Variants in PCTP observed in about 807,000 individuals in gnomAD.
PCTP encodes START domain-containing protein 2.
Under a neutral mutation model 31.0 loss-of-function variants are expected in PCTP, and 27 were observed. The ratio of observed to expected loss-of-function variants is 0.87; its 90% confidence interval spans 0.64 to 1.20. The LOEUF (loss-of-function observed/expected upper bound fraction) is 1.20. Ranked by LOEUF, PCTP falls within the 50% of genes most tolerant of loss-of-function variation. PCTP has a pLI of 0.00. For missense variants in PCTP, 287 were observed against 268.2 expected (o/e 1.07, Z -0.49); for synonymous variants, 108 against 101.2 (o/e 1.07, Z -0.40).
chr17:55,777,628 A>G (rs1055203708), downstream of PCTP, among the ~76,000 whole-genome samples: 1 of 152,222 alleles, frequency 6.6e-6, no homozygotes, highest in African/African-American at 2.4e-5. Context: ...GCTAACAGCA[A>G]TAGGTAGGTT....
intron 3 of PCTP, among the ~76,000 whole-genome samples, chr17:55,790,409 T>C (rs147652239): frequency 0.042 from 6,312 of 151,688 alleles, 421 homozygotes; most frequent in African/African-American, 0.14. Flanking sequence ...AAAACCCCAT[T>C]GTCTCAGCCC....
intron 5 of PCTP, among the ~76,000 whole-genome samples, chr17:55,836,003 A>G (rs1304876611): frequency 1.3e-5 from 2 of 152,220 alleles, no homozygotes; most frequent in East Asian, 3.8e-4. Context: ...TTGGGAAGGC[A>G]AAAATAAAAA....
chr17:55,816,270 C>A (rs774836428), intron 3 of PCTP, among the ~76,000 whole-genome samples: 1 of 152,180 alleles, frequency 6.6e-6, no homozygotes, highest in Non-Finnish European at 1.5e-5. Flanking sequence ...ATCCTCCTGT[C>A]TTCCCAGGTC....
chr17:55,802,042 T>G (rs1037422450), intron 3 of PCTP, among the ~76,000 whole-genome samples: 4 of 152,098 alleles, frequency 2.6e-5, no homozygotes, highest in African/African-American at 9.7e-5. Flanking sequence ...ATATCACCAC[T>G]GATCCCACAG....
At chr17:55,816,409 C>T (rs942766912) in intron 3 of PCTP, among the ~76,000 whole-genome samples, 1 of 152,186 alleles carries the variant, frequency 6.6e-6, no homozygotes, top group African/African-American at 2.4e-5. Context: ...TCTACAGAGC[C>T]TGGCCAAAAA....
chr17:55,774,042 T>C, intron 4 of PCTP, 147 bp downstream of exon 4: 1 of 925,656 alleles, frequency 1.1e-6, no homozygotes, highest in Non-Finnish European at 1.6e-6. Context: ...GATCAGCACC[T>C]AGAGAGAGCC....
chr17:55,795,484 A>G (rs978252649), intron 3 of PCTP, among the ~76,000 whole-genome samples: 1 of 152,004 alleles, frequency 6.6e-6, no homozygotes, highest in Non-Finnish European at 1.5e-5. Context: ...TTTATACAAG[A>G]TCAATATTTA....
chr17:55,806,694 G>C (rs1374381066), intron 3 of PCTP, among the ~76,000 whole-genome samples: 1 of 152,230 alleles, frequency 6.6e-6, no homozygotes, highest in Non-Finnish European at 1.5e-5. Context: ...GTTAAACCTC[G>C]GTACTGGACA....
intron 5 of PCTP, chr17:55,775,717 G>T: frequency 8.2e-7 from 1 of 1,223,872 alleles, no homozygotes; most frequent in Non-Finnish European, 1.0e-6. Flanking sequence ...TTGGAAGAAT[G>T]TAACAATCCA....
intron 5 of PCTP, among the ~76,000 whole-genome samples, chr17:55,831,742 G>A (rs1345708970): frequency 6.6e-6 from 1 of 152,114 alleles, no homozygotes; most frequent in Non-Finnish European, 1.5e-5. Context: ...GATACGATTA[G>A]GCTACCAGTC....
chr17:55,766,064 C>A (rs916296419), intron 1 of PCTP, among the ~76,000 whole-genome samples: 3 of 152,178 alleles, frequency 2.0e-5, no homozygotes, highest in African/African-American at 7.2e-5. Flanking sequence ...TGCAAGGCAT[C>A]ATTTATCACA....
chr17:55,769,518 T>C (rs1039871576), intron 2 of PCTP: 1 of 152,214 alleles, frequency 6.6e-6, no homozygotes, highest in Admixed American at 6.5e-5. Flanking sequence ...CAGTGACCAG[T>C]GATGGCATCT....
At chr17:55,804,363 G>A (rs1261052862) in intron 3 of PCTP, among the ~76,000 whole-genome samples, 1 of 152,098 alleles carries the variant, frequency 6.6e-6, no homozygotes, top group Non-Finnish European at 1.5e-5. Flanking sequence ...CCCATTACTG[G>A]GTATATGCCC....
At position 55,776,741 on chromosome 17, in the gene PCTP, A is replaced by G. The variant is rs1327757853; in HGVS notation, c.*641A>G. 3.4e-6 allele frequency: 4 copies of G among 1,171,820 alleles called. No homozygotes were observed. The highest frequency in any genetic ancestry group is 4.6e-5 in the Admixed American group (1 of 21,766). 72.6% of individuals were successfully genotyped at this position (1,171,820 alleles called of 1,614,324 possible). On this transcript the variant is annotated 3_prime_UTR_variant, in exon 6 of 6. Transcript: ENST00000268896. ...TCAGTAGCTGTTATGATGCCAGACCATTTGGAGAAGTATCAGAGGCCTGAC... is the reference window on the plus strand; with the variant it reads ...TCAGTAGCTGTTATGATGCCAGACCGTTTGGAGAAGTATCAGAGGCCTGAC...
chr17:55,805,205 CT>C (rs1389198020), intron 3 of PCTP, among the ~76,000 whole-genome samples: 1 of 152,012 alleles, frequency 6.6e-6, no homozygotes, highest in African/African-American at 2.4e-5. Flanking sequence ...TTCCTCGTTT[CT>C]TTTTAAACTA....
chr17:55,833,408 A>C (rs1006185015), intron 5 of PCTP, among the ~76,000 whole-genome samples: 2 of 152,220 alleles, frequency 1.3e-5, no homozygotes, highest in Non-Finnish European at 1.5e-5. Flanking sequence ...ATTTCTCTAA[A>C]GGCTTTTCAA....
chr17:55,814,937 C>T (rs1407838660), intron 3 of PCTP, among the ~76,000 whole-genome samples: 1 of 152,206 alleles, frequency 6.6e-6, no homozygotes, highest in Admixed American at 6.5e-5. Context: ...ACCCTCAGCT[C>T]AGCCTCTGTT....
chr17:55,835,469 C>T (rs183125376), intron 5 of PCTP, among the ~76,000 whole-genome samples: 1 of 152,282 alleles, frequency 6.6e-6, no homozygotes, highest in East Asian at 1.9e-4. Context: ...GGCTTATTGA[C>T]TTATTACCTC....
intron 5 of PCTP, among the ~76,000 whole-genome samples, chr17:55,832,506 C>T (rs1905635177): frequency 6.6e-6 from 1 of 152,180 alleles, no homozygotes; most frequent in Non-Finnish European, 1.5e-5. Context: ...CCTGCAAACT[C>T]ATTGGTGGTG....
Sources: gnomAD v4.1 joint callset for allele counts (sites outside exome capture counted in the v4.1 genomes callset) on GRCh38, gnomAD v4.1.1 for gene constraint, MANE v1.5 for transcripts, NCBI Gene and HGNC (gene_info 2026-07-23, HGNC 2026-07-21) for gene names.